The following ZNF451 variants were observed in gnomAD, a reference collection of about 807,000 sequenced individuals.
The protein encoded by ZNF451 is E3 SUMO-protein ligase ZNF451.
Under a neutral mutation model 107.1 loss-of-function variants are expected in ZNF451, and 80 were observed. The observed-to-expected ratio is 0.75, with a 90% CI of 0.62 to 0.90. ZNF451 has a LOEUF of 0.90. ZNF451 is among the 40% of genes least tolerant of loss of function. The pLI is 0.00. For synonymous variants in ZNF451, 362 were observed against 406.5 expected (o/e 0.89, Z 1.32); for missense variants, 1,107 against 1,236.2 (o/e 0.90, Z 1.57).
In ZNF451 at chr6:57,148,712, A is replaced by G. The variant is rs546841770; in HGVS notation, c.2608+19A>G. 1.7e-5 allele frequency: 27 copies of G among 1,553,766 alleles called. No homozygotes were observed. The highest frequency in any genetic ancestry group is 8.2e-5 in the African/African-American group (6 of 72,736). ...AATATAGGTATGGCTTTATAGCTCT[A>G]TGCAAATTTCATATACTGATATTGA... On this transcript the variant is annotated intron_variant, in intron 10 of 14. Coordinates refer to ENST00000370706, the MANE Select transcript of ZNF451 (RefSeq NM_001031623.3).
At chr6:57,150,914 T>TG (rs1292310452) in intron 11 of ZNF451, 52 bp downstream of exon 11, 1 of 1,602,938 alleles carries the variant, frequency 6.2e-7, no homozygotes, top group South Asian at 1.1e-5. Flanking sequence ...TCTTAGAATA[T>TG]AGTTCAGTTT....
At chr6:57,166,202 A>G (rs929134325) in intron 14 of ZNF451, among the ~76,000 whole-genome samples, 1 of 151,958 alleles carries the variant, frequency 6.6e-6, no homozygotes, top group African/African-American at 2.4e-5. Flanking sequence ...TAATTTTTGT[A>G]TTTTTGGTAG....
chr6:57,148,463 C>T lies in ZNF451; in HGVS notation c.2378C>T (p.Thr793Ile), dbSNP rs761519049. 1 of 1,613,962 alleles carries T rather than the reference C, an allele frequency of 6.2e-7. No homozygotes were observed. The highest frequency in any genetic ancestry group is 8.5e-7 in the Non-Finnish European group (1 of 1,179,942). ...EEQQYVIKCGTCTKAFHDPES... is the reference protein window; with the variant it reads ...EEQQYVIKCGICTKAFHDPES... ...CAGCAGTATGTAATCAAGTGTGGCACCTGCACCAAAGCATTTCATGATCCT... is the reference window on the plus strand; with the variant it reads ...CAGCAGTATGTAATCAAGTGTGGCATCTGCACCAAAGCATTTCATGATCCT... Residue 793 changes from threonine to isoleucine, a missense_variant, in exon 10 of 15, where the codon ACC becomes ATC. This residue lies in a region of ZNF451 where 608 missense variants were observed against 649.2 expected (regional missense o/e 0.94). Coordinates refer to ENST00000370706, the MANE Select transcript of ZNF451 (RefSeq NM_001031623.3).
chr6:57,124,651 T>C lies in ZNF451; in HGVS notation c.187-83T>C, dbSNP rs142952092. 8.5e-5 allele frequency: 84 copies of C among 985,636 alleles called. 2 individuals are homozygous for C. Among genetic ancestry groups the C allele is most frequent in the South Asian group, 7.2e-4 (48 of 66,750 alleles). The allele number at this position is 985,636 out of a possible 1,614,324, so 61.1% of individuals were successfully genotyped here. On this transcript the variant is annotated intron_variant, in intron 3 of 14. Transcript: ENST00000370706. The stretch of plus-strand genomic sequence containing the variant: ...ATAACTCAAGTAAATGGTTCTTTAG[T>C]ATAGTAGCTGTTTTATGAATGGATG...
intron 3 of ZNF451, chr6:57,099,422 A>G (rs1309768329): frequency 1.4e-6 from 1 of 713,844 alleles, no homozygotes. Context: ...AAAAACTGCA[A>G]GCTTATTGAT....
intron 13 of ZNF451, chr6:57,160,780 T>C (rs1763638838): frequency 8.7e-6 from 2 of 228,754 alleles, no homozygotes; most frequent in Non-Finnish European, 1.7e-5. Context: ...CGGTCTCTTA[T>C]TATGAAAGCA....
intron 4 of ZNF451, 34 bp downstream of exon 4, chr6:57,124,893 T>A: frequency 7.6e-7 from 1 of 1,313,140 alleles, no homozygotes. Context: ...TTTATATAAT[T>A]AAAAAATTAT....
In ZNF451 at chr6:57,154,093, T is replaced by A. The variant is rs1338980686; in HGVS notation, c.3070+46T>A. ...TGCAAACCACCCAAGAGGAGGAGACTTCACTGCTGAGAGAAACCAATAAAC... is the reference window on the plus strand; with the variant it reads ...TGCAAACCACCCAAGAGGAGGAGACATCACTGCTGAGAGAAACCAATAAAC... On this transcript the variant is annotated intron_variant, in intron 13 of 14. Coordinates refer to ENST00000370706, the MANE Select transcript of ZNF451 (RefSeq NM_001031623.3). 3.7e-6 allele frequency: 6 copies of A among 1,600,084 alleles called. No homozygotes were observed. In the Admixed American group the frequency reaches 1.0e-4, roughly 27 times the overall value.
chr6:57,102,438 A>G (rs1829652369), intron 3 of ZNF451: 1 of 1,007,688 alleles, frequency 9.9e-7, no homozygotes, highest in African/African-American at 1.7e-5. Flanking sequence ...CCTCAGGAAA[A>G]TCTTATTTGT....
chr6:57,118,505 T>G (rs1034910941), intron 3 of ZNF451, among the ~76,000 whole-genome samples: 8 of 152,256 alleles, frequency 5.3e-5, no homozygotes, highest in Middle Eastern at 3.4e-3. Flanking sequence ...TTTCTCCCCC[T>G]TTTTTTAGAA....
chr6:57,165,664 A>G (rs748890799), intron 14 of ZNF451: 1 of 152,090 alleles, frequency 6.6e-6, no homozygotes, highest in Non-Finnish European at 1.5e-5. Context: ...AATTTTGTTC[A>G]TACATTTTTT....
intron 3 of ZNF451, among the ~76,000 whole-genome samples, chr6:57,110,337 C>T (rs1479115699): frequency 6.6e-6 from 1 of 152,200 alleles, no homozygotes; most frequent in Non-Finnish European, 1.5e-5. Context: ...ACAGCCATTA[C>T]TTGTAAGGTT....
At chr6:57,141,723 G>A (rs1295364719) in intron 8 of ZNF451, among the ~76,000 whole-genome samples, 1 of 152,040 alleles carries the variant, frequency 6.6e-6, no homozygotes, top group Non-Finnish European at 1.5e-5. Flanking sequence ...TGATATCTTG[G>A]AAGTTTTCTG....
chr6:57,147,025 A>T, intron 9 of ZNF451, 65 bp from the exon 10 acceptor site: 1 of 1,394,410 alleles, frequency 7.2e-7, no homozygotes, highest in South Asian at 1.5e-5. Context: ...CTGCAATAAA[A>T]TGCAGCAATG....
chr6:57,108,782 C>T, intron 3 of ZNF451: 1 of 985,408 alleles, frequency 1.0e-6, no homozygotes, highest in Non-Finnish European at 1.2e-6. Context: ...TTTGTATAGT[C>T]TGTAGTACAG....
chr6:57,108,032 G>A (rs1393220985), intron 3 of ZNF451: 3 of 556,330 alleles, frequency 5.4e-6, no homozygotes, highest in Non-Finnish European at 6.8e-6. Context: ...TAGAGATGGG[G>A]TTTCACCGTG....
At chr6:57,160,864 T>C (rs948883105) in intron 13 of ZNF451, 1 of 396,440 alleles carries the variant, frequency 2.5e-6, no homozygotes, top group African/African-American at 2.1e-5. Flanking sequence ...GTTATCTCCA[T>C]AGAGATGAAT....
intron 14 of ZNF451, chr6:57,165,775 C>T (rs1346335584): frequency 6.6e-6 from 1 of 152,138 alleles, no homozygotes; most frequent in Non-Finnish European, 1.5e-5. Context: ...AGTCTACAAA[C>T]CTGTATAGCA....
rs1832183978 is a variant in ZNF451, at chr6:57,148,360, T to C, written c.2275T>C (p.Ser759Pro). Residue 759 changes from serine (S) to proline (P), a missense_variant, in exon 10 of 15, where the codon TCG (serine) becomes CCG (proline). Ser to Pro is a moderately conservative substitution (Grantham distance 74). Around this residue, in one of 5 missense-constraint regions of ZNF451, gnomAD observed 608 missense variants for 649.2 expected, o/e 0.94. Transcript: ENST00000370706. ...ACTGTGGTTTCGCTGCAGTTTATGT[T>C]CGGCAACAGCACAGAATTTAACCGA... The part of the protein sequence containing the change: ...GKLWFRCSLC[S>P]ATAQNLTDMN... 6.8e-6 allele frequency: 11 copies of C among 1,613,910 alleles called. No individual in the cohort carries two copies. The highest frequency in any genetic ancestry group is 9.3e-6 in the Non-Finnish European group (11 of 1,179,974).
Sources: gnomAD v4.1 joint callset for allele counts (sites outside exome capture counted in the v4.1 genomes callset) on GRCh38, gnomAD v4.1.1 for gene constraint, gnomAD v4.1.1 regional missense constraint, MANE v1.5 for transcripts, NCBI Gene and HGNC (gene_info 2026-07-23, HGNC 2026-07-21) for gene names.